LPIN2: variants seen among roughly 807,000 people sequenced by gnomAD.
The protein encoded by LPIN2 is lipin 2.
A neutral mutation model predicts 111.4 loss-of-function variants in LPIN2; 55 were observed. The observed-to-expected ratio is 0.49, with a 90% CI of 0.40 to 0.62. The LOEUF (loss-of-function observed/expected upper bound fraction) is 0.62, where lower values mean the gene tolerates loss of function less well. Ranked by LOEUF, LPIN2 falls within the 20% of genes least tolerant of loss-of-function variation. The pLI is 0.00. For synonymous variants in LPIN2, 425 were observed against 414.0 expected (o/e 1.03, Z -0.32); for missense variants, 992 against 1,112.1 (o/e 0.89, Z 1.54).
chr18:2,977,296 T>C (rs909226719), intron 1 of LPIN2: 9 of 151,966 alleles, frequency 5.9e-5, no homozygotes, highest in Admixed American at 3.3e-4. Context: ...GAATTGGAGG[T>C]CTCGGTATGA....
intron 1 of LPIN2, among the ~76,000 whole-genome samples, chr18:3,004,056 G>A (rs1360008298): frequency 6.6e-6 from 1 of 152,146 alleles, no homozygotes; most frequent in Non-Finnish European, 1.5e-5. Context: ...GTCTCCTACA[G>A]TACCCTCAGG....
chr18:2,968,399 A>G (rs1343826690), intron 1 of LPIN2, among the ~76,000 whole-genome samples: 1 of 152,110 alleles, frequency 6.6e-6, no homozygotes, highest in Non-Finnish European at 1.5e-5. Flanking sequence ...AAAATTAAGC[A>G]CCTATTTCAT....
intron 1 of LPIN2, among the ~76,000 whole-genome samples, chr18:3,012,506 G>C (rs1159045967): frequency 1.3e-5 from 2 of 152,034 alleles, no homozygotes; most frequent in South Asian, 2.1e-4. Context: ...GGGGGGCTTT[G>C]AGAAAACTAA....
intron 4 of LPIN2, chr18:2,950,693 T>C (rs538139379): frequency 3.4e-6 from 1 of 298,164 alleles, no homozygotes; most frequent in South Asian, 4.1e-5. Context: ...AGGAAAAACA[T>C]ACCAAGCCTA....
chr18:2,941,919 A>G (rs1247660348), intron 4 of LPIN2, among the ~76,000 whole-genome samples: 2 of 152,184 alleles, frequency 1.3e-5, no homozygotes, highest in Non-Finnish European at 2.9e-5. Flanking sequence ...GAGAGACTCC[A>G]TCCCAAAAAC....
chr18:3,001,713 A>C (rs2078438364), intron 1 of LPIN2, among the ~76,000 whole-genome samples: 1 of 152,182 alleles, frequency 6.6e-6, no homozygotes, highest in African/African-American at 2.4e-5. Flanking sequence ...GGGAGCAGTA[A>C]TCAGCTGTGA....
intron 16 of LPIN2, among the ~76,000 whole-genome samples, chr18:2,923,420 C>CAAAAAAAAAA (rs869052239): frequency 3.8e-5 from 1 of 26,590 alleles, no homozygotes; most frequent in Non-Finnish European, 8.3e-5. Context: ...AACTCCATCT[C>CAAAAAAAAAA]AAAAAAAAAA....
chr18:2,979,434 A>G (rs1428168896), intron 1 of LPIN2, among the ~76,000 whole-genome samples: 1 of 152,224 alleles, frequency 6.6e-6, no homozygotes, highest in African/African-American at 2.4e-5. Context: ...AACCCAGAGC[A>G]GCAAAAAATT....
chr18:2,944,242 A>G (rs1037728720), intron 4 of LPIN2, among the ~76,000 whole-genome samples: 4 of 150,616 alleles, frequency 2.7e-5, no homozygotes, highest in Admixed American at 2.6e-4. Context: ...AAAAAAAAAA[A>G]CTCCAAAACA....
At chr18:2,959,848 C>T (rs1196224855) in intron 2 of LPIN2, among the ~76,000 whole-genome samples, 1 of 151,782 alleles carries the variant, frequency 6.6e-6, no homozygotes, top group Non-Finnish European at 1.5e-5. Flanking sequence ...CAAAATGTGG[C>T]ATTAATTAAT....
At chr18:2,961,717 CT>C (rs2077717103) in intron 1 of LPIN2, among the ~76,000 whole-genome samples, 2 of 152,112 alleles carry the variant, frequency 1.3e-5, no homozygotes, top group Non-Finnish European at 2.9e-5. Flanking sequence ...TCAGATTTTA[CT>C]TCCAGCTACT....
intron 4 of LPIN2, among the ~76,000 whole-genome samples, chr18:2,947,956 AT>A (rs1187429944): frequency 2.6e-5 from 4 of 152,162 alleles, no homozygotes. Context: ...CTCTCACTTT[AT>A]AGATTAAGAA....
intron 1 of LPIN2, among the ~76,000 whole-genome samples, chr18:3,006,639 C>T (rs931580217): frequency 2.6e-5 from 4 of 152,172 alleles, no homozygotes; most frequent in Admixed American, 2.6e-4. Context: ...AGATCGAGAC[C>T]ACCCTGGCTA....
intron 1 of LPIN2, among the ~76,000 whole-genome samples, chr18:3,000,078 G>GGA (rs1175125801): frequency 6.8e-6 from 1 of 147,100 alleles, no homozygotes; most frequent in Non-Finnish European, 1.5e-5. Context: ...AGGAGGAAGA[G>GGA]GAGAAGGAGG....
chr18:2,931,166 A>G, intron 9 of LPIN2, 90 bp downstream of exon 9: 1 of 1,410,994 alleles, frequency 7.1e-7, no homozygotes. Context: ...AAGAATGTAA[A>G]TATCCTGAAA....
chr18:2,942,771 G>T (rs933344853), intron 4 of LPIN2, among the ~76,000 whole-genome samples: 3 of 152,178 alleles, frequency 2.0e-5, no homozygotes, highest in Admixed American at 6.5e-5. Context: ...AACCTTTTAG[G>T]AACTTTCAAA....
chr18:2,957,573 A>AGAT (rs1236323024), intron 2 of LPIN2, among the ~76,000 whole-genome samples: 1 of 152,192 alleles, frequency 6.6e-6, no homozygotes, highest in Non-Finnish European at 1.5e-5. Context: ...CCAGCTACAG[A>AGAT]AACTGGTCCC....
chr18:2,978,647 A>G (rs781307763), intron 1 of LPIN2, among the ~76,000 whole-genome samples: 1 of 152,264 alleles, frequency 6.6e-6, no homozygotes, highest in Non-Finnish European at 1.5e-5. Context: ...GAATCTGAAT[A>G]AAGTCTGTAG....
At chr18:2,949,416 T>C (rs1341700740) in intron 4 of LPIN2, among the ~76,000 whole-genome samples, 6 of 152,252 alleles carry the variant, frequency 3.9e-5, no homozygotes, top group Admixed American at 1.3e-4. Context: ...TTTGTAAATA[T>C]AGTGTACTCT....
Sources: gnomAD v4.1 joint callset for allele counts (sites outside exome capture counted in the v4.1 genomes callset) on GRCh38, gnomAD v4.1.1 for gene constraint, MANE v1.5 for transcripts, NCBI Gene and HGNC (gene_info 2026-07-23, HGNC 2026-07-21) for gene names.